Variants in PITPNB observed in about 807,000 individuals in gnomAD.
PITPNB encodes the protein phosphatidylinositol transfer protein beta isoform.
A neutral mutation model predicts 45.9 loss-of-function variants in PITPNB; 16 were observed. The ratio of observed to expected loss-of-function variants is 0.35; its 90% CI spans 0.24 to 0.53. The LOEUF (loss-of-function observed/expected upper bound fraction) is 0.53, where lower values mean the gene tolerates loss of function less well. Ranked by LOEUF, PITPNB falls within the 20% of genes least tolerant of loss-of-function variation. The probability of loss-of-function intolerance (pLI) is 0.93; values close to 1 mark genes in which losing one functional copy is unlikely to be tolerated. For missense variants in PITPNB, 188 were observed against 330.5 expected (o/e 0.57, Z 3.34); for synonymous variants, 112 against 108.9 (o/e 1.03, Z -0.18).
At chr22:27,914,469 A>C (rs144843921) in intron 1 of PITPNB, 122 bp from the exon 2 acceptor site, 2 of 602,908 alleles carry the variant, frequency 3.3e-6, no homozygotes, top group Non-Finnish European at 5.8e-6. Context: ...TCAAAAAAAT[A>C]CAAGGGTGTC....
intron 9 of PITPNB, among the ~76,000 whole-genome samples, 169 bp downstream of exon 9, chr22:27,859,962 C>T (rs550928666): frequency 1.9e-4 from 29 of 152,300 alleles, no homozygotes; most frequent in African/African-American, 6.7e-4. Context: ...CTGCTGCCAT[C>T]TGTCTTTGCT....
At chr22:27,878,526 C>T (rs1186484550) in intron 7 of PITPNB, among the ~76,000 whole-genome samples, 1 of 152,182 alleles carries the variant, frequency 6.6e-6, no homozygotes, top group African/African-American at 2.4e-5. Flanking sequence ...TCCCCAGTGA[C>T]TCCTCAACCT....
chr22:27,884,603 C>T (rs566786847), intron 7 of PITPNB, among the ~76,000 whole-genome samples: 3 of 152,300 alleles, frequency 2.0e-5, no homozygotes, highest in Admixed American at 2.0e-4. Context: ...GCACTGTGGT[C>T]ACACAATGCT....
At chr22:27,857,777 C>A (rs1273697933) in intron 10 of PITPNB, among the ~76,000 whole-genome samples, 2 of 152,192 alleles carry the variant, frequency 1.3e-5, no homozygotes, top group Non-Finnish European at 2.9e-5. Flanking sequence ...CCACTGGCTG[C>A]CGGCCCTGCC....
intron 7 of PITPNB, among the ~76,000 whole-genome samples, chr22:27,891,968 C>T (rs1220290992): frequency 1.3e-5 from 2 of 152,214 alleles, no homozygotes; most frequent in Non-Finnish European, 2.9e-5. Context: ...GGTGGCAGAG[C>T]CTCAGAATGG....
intron 3 of PITPNB, among the ~76,000 whole-genome samples, chr22:27,899,017 A>G (rs1935518680): frequency 6.6e-6 from 1 of 152,250 alleles, no homozygotes; most frequent in African/African-American, 2.4e-5. Flanking sequence ...CACAGATCGA[A>G]TTCAAATCCC....
intron 10 of PITPNB, 59 bp from the exon 11 acceptor site, chr22:27,854,998 G>T: frequency 8.6e-7 from 1 of 1,160,736 alleles, no homozygotes; most frequent in Non-Finnish European, 1.3e-6. Flanking sequence ...GGGTTAGTAA[G>T]CAAGGGGAGA....
At chr22:27,910,885 C>T in intron 3 of PITPNB, 79 bp downstream of exon 3, 1 of 937,080 alleles carries the variant, frequency 1.1e-6, no homozygotes, top group Non-Finnish European at 1.7e-6. Flanking sequence ...TACTTCACAT[C>T]TACTAGTTAA....
intron 3 of PITPNB, among the ~76,000 whole-genome samples, chr22:27,901,569 T>C (rs1935595033): frequency 6.6e-6 from 1 of 152,152 alleles, no homozygotes; most frequent in Non-Finnish European, 1.5e-5. Context: ...CAGGAAAAGC[T>C]CAGCTGAGAA....
chr22:27,917,454 C>T (rs1023713917), intron 1 of PITPNB, among the ~76,000 whole-genome samples: 2 of 152,172 alleles, frequency 1.3e-5, no homozygotes, highest in African/African-American at 4.8e-5. Context: ...TGTCTGCCAC[C>T]CATCTACCCA....
chr22:27,860,678 C>T (rs1042660949), intron 8 of PITPNB: 19 of 156,078 alleles, frequency 1.2e-4, no homozygotes, highest in African/African-American at 7.2e-5. Context: ...AGTGGAGCTG[C>T]ACTGTTTATT....
intron 3 of PITPNB, among the ~76,000 whole-genome samples, chr22:27,906,600 T>G (rs1479620363): frequency 6.6e-6 from 1 of 152,216 alleles, no homozygotes. Flanking sequence ...TAAACCTTTC[T>G]GGACCTCAGT....
At chr22:27,869,325 C>A (rs1934580308) in intron 8 of PITPNB, among the ~76,000 whole-genome samples, 1 of 152,118 alleles carries the variant, frequency 6.6e-6, no homozygotes, top group African/African-American at 2.4e-5. Flanking sequence ...CTGAGGCCTG[C>A]ATCTCTGGGT....
intron 8 of PITPNB, among the ~76,000 whole-genome samples, 155 bp downstream of exon 8, chr22:27,873,583 C>A (rs1409314985): frequency 6.6e-6 from 1 of 152,200 alleles, no homozygotes; most frequent in Non-Finnish European, 1.5e-5. Flanking sequence ...GATTTGCTGG[C>A]CAACTGCAAC....
intron 3 of PITPNB, among the ~76,000 whole-genome samples, chr22:27,903,415 G>A (rs967620180): frequency 6.7e-6 from 1 of 148,434 alleles, no homozygotes; most frequent in Non-Finnish European, 1.5e-5. Context: ...GTTGTGGTGA[G>A]CCGAGATCAC....
chr22:27,885,258 A>G (rs1366643118), intron 7 of PITPNB, among the ~76,000 whole-genome samples: 3 of 144,746 alleles, frequency 2.1e-5, no homozygotes, highest in Admixed American at 6.9e-5. Context: ...AAAAAGCAGA[A>G]GCAGATGTCA....
intron 8 of PITPNB, among the ~76,000 whole-genome samples, chr22:27,868,354 C>A (rs1237417815): frequency 6.6e-6 from 1 of 152,220 alleles, no homozygotes; most frequent in Non-Finnish European, 1.5e-5. Flanking sequence ...CACTTCTACT[C>A]CTCCTATCCC....
At chr22:27,879,276 C>G (rs1332390580) in intron 7 of PITPNB, among the ~76,000 whole-genome samples, 7 of 152,184 alleles carry the variant, frequency 4.6e-5, no homozygotes, top group Non-Finnish European at 7.4e-5. Flanking sequence ...ATCAGAATTT[C>G]AGCCCCAAGA....
intron 7 of PITPNB, among the ~76,000 whole-genome samples, chr22:27,879,916 C>A (rs1354586016): frequency 6.6e-6 from 1 of 151,902 alleles, no homozygotes; most frequent in Non-Finnish European, 1.5e-5. Flanking sequence ...TCCATTTAGT[C>A]CATTAGCATT....
Sources: allele counts gnomAD v4.1 joint callset (sites outside exome capture counted in the v4.1 genomes callset), GRCh38; gene constraint gnomAD v4.1.1; transcripts MANE v1.5; gene names NCBI Gene and HGNC (gene_info 2026-07-23, HGNC 2026-07-21).